Variants in KCNMA1 observed in about 807,000 individuals in gnomAD.
KCNMA1 encodes the protein potassium calcium-activated channel subfamily M alpha 1.
Under a neutral mutation model 140.0 loss-of-function variants are expected in KCNMA1, and 29 were observed. That is an observed-to-expected ratio of 0.21 (90% CI 0.15 to 0.28). The LOEUF (loss-of-function observed/expected upper bound fraction) is 0.28, where lower values mean the gene tolerates loss of function less well. Ranked by LOEUF, KCNMA1 falls within the 10% of genes least tolerant of loss-of-function variation. The probability of loss-of-function intolerance (pLI) is 1.00; values close to 1 mark genes in which losing one functional copy is unlikely to be tolerated. For missense variants in KCNMA1, 880 were observed against 1,602.2 expected (o/e 0.55, Z 7.70); for synonymous variants, 612 against 611.9 (o/e 1.00, Z 0.00).
At position 77,082,007 on chromosome 10, in the gene KCNMA1, C is replaced by CTTTTTTTT. The variant is rs201288668; in HGVS notation, c.1524-2465_1524-2458dup. Among the ~76,000 whole-genome samples the CTTTTTTTT allele has an allele frequency of 4.3e-4, 14 of 32,514 alleles. 1 individual carries two copies. In the East Asian group the frequency reaches 4.9e-3, roughly 11 times the overall value. The allele number at this position is 32,514 out of a possible 152,430, so 21.3% of individuals were successfully genotyped here. A position where few individuals can be genotyped will look rare whatever the true frequency, so the allele number is the denominator to read the frequency against. On this transcript the variant is annotated intron_variant, in intron 12 of 27. Transcript: ENST00000286628. ...GACCAGTAATTTCTTTTTTTCTTTT[C>CTTTTTTTT]TTTTTTTTTTTTTTTTTTTTTTTTT...
chr10:77,090,353 G>A (rs781007184), intron 10 of KCNMA1, 47 bp downstream of exon 10: 1 of 1,221,498 alleles, frequency 8.2e-7, no homozygotes, highest in Admixed American at 1.7e-5. Context: ...GTCCCTCGCA[G>A]GGTGTGTGGT....
At chr10:77,444,704 C>T (rs538004819) in intron 1 of KCNMA1, among the ~76,000 whole-genome samples, 2 of 152,252 alleles carry the variant, frequency 1.3e-5, no homozygotes, top group South Asian at 4.2e-4. Flanking sequence ...GTCCTGGGAA[C>T]TTCCCCGGCA....
At chr10:77,025,634 C>A (rs1269270611) in intron 16 of KCNMA1, among the ~76,000 whole-genome samples, 1 of 151,780 alleles carries the variant, frequency 6.6e-6, no homozygotes, top group African/African-American at 2.4e-5. Flanking sequence ...ACAACAAAGG[C>A]AGTTAAACAC....
intron 14 of KCNMA1, among the ~76,000 whole-genome samples, chr10:77,071,880 A>T (rs2096228426): frequency 6.6e-6 from 1 of 152,200 alleles, no homozygotes; most frequent in Admixed American, 6.5e-5. Flanking sequence ...AAGGATAAGG[A>T]CTTAGAAAAA....
intron 2 of KCNMA1, among the ~76,000 whole-genome samples, chr10:77,388,565 C>CT (rs2095697192): frequency 6.6e-6 from 1 of 152,164 alleles, no homozygotes; most frequent in Admixed American, 6.5e-5. Context: ...CTTAATGTGT[C>CT]TGTTTAATGT....
intron 5 of KCNMA1, among the ~76,000 whole-genome samples, chr10:77,174,653 A>G (rs542315528): frequency 4.5e-4 from 68 of 152,366 alleles, no homozygotes; most frequent in African/African-American, 1.6e-3. Context: ...GCCATTTTTA[A>G]GTGGATTGGT....
chr10:77,515,267 G>A (rs1301036508), intron 1 of KCNMA1, among the ~76,000 whole-genome samples: 1 of 152,012 alleles, frequency 6.6e-6, no homozygotes, highest in Non-Finnish European at 1.5e-5. Context: ...TCACCATGAG[G>A]GGACACAGGC....
In KCNMA1 at chr10:76,948,168, C is replaced by T. The variant is rs574622432; in HGVS notation, c.2709+974G>A. ...TACAAGCACACGCCACCACATCAGG[C>T]TAATTTTTTTAACTTTTTGTAGAGA... On this transcript the variant is annotated intron_variant, in intron 22 of 27. Transcript: ENST00000286628. Among the ~76,000 whole-genome samples the T allele has an allele frequency of 1.4e-4, 22 of 152,052 alleles. No individual in the cohort carries two copies. The East Asian group carries it at 4.1e-3, about 28-fold the overall frequency.
At chr10:77,233,428 C>A (rs2054291287) in intron 3 of KCNMA1, among the ~76,000 whole-genome samples, 1 of 152,324 alleles carries the variant, frequency 6.6e-6, no homozygotes, top group Non-Finnish European at 1.5e-5. Context: ...TTATTAACCT[C>A]TAATTCAAAT....
chr10:77,258,988 T>A (rs1165249054), intron 2 of KCNMA1, among the ~76,000 whole-genome samples: 2 of 152,104 alleles, frequency 1.3e-5, no homozygotes, highest in African/African-American at 4.8e-5. Context: ...TAATATATAA[T>A]CTTGCCACCA....
chr10:77,397,309 T>C (rs1355489016), intron 2 of KCNMA1, among the ~76,000 whole-genome samples: 1 of 152,202 alleles, frequency 6.6e-6, no homozygotes, highest in African/African-American at 2.4e-5. Flanking sequence ...GTCAGCAAAC[T>C]ATGGTGTGTG....
At chr10:77,508,565 CTTTTTT>C (rs773700858) in intron 1 of KCNMA1, among the ~76,000 whole-genome samples, 1 of 124,430 alleles carries the variant, frequency 8.0e-6, no homozygotes, top group African/African-American at 3.2e-5. Flanking sequence ...TTTCCTTTTT[CTTTTTT>C]TTTTCTTTTC....
At chr10:77,233,207 T>G (rs2054202934) in intron 3 of KCNMA1, among the ~76,000 whole-genome samples, 1 of 152,214 alleles carries the variant, frequency 6.6e-6, no homozygotes, top group South Asian at 2.1e-4. Flanking sequence ...ATTTCTGGAC[T>G]CTCAATTCTA....
At chr10:77,098,723 T>C (rs2097009005) in intron 9 of KCNMA1, among the ~76,000 whole-genome samples, 1 of 152,148 alleles carries the variant, frequency 6.6e-6, no homozygotes, top group African/African-American at 2.4e-5. Context: ...ATGCAAGTAT[T>C]ACCACCATTT....
intron 3 of KCNMA1, among the ~76,000 whole-genome samples, chr10:77,191,534 C>T (rs906860177): frequency 7.9e-5 from 12 of 152,120 alleles, no homozygotes; most frequent in African/African-American, 2.9e-4. Context: ...CTCATGTTTA[C>T]ACTGGACGGG....
At chr10:77,531,953 T>C (rs116215656) in intron 1 of KCNMA1, among the ~76,000 whole-genome samples, 109 of 152,218 alleles carry the variant, frequency 7.2e-4, no homozygotes, top group African/African-American at 2.6e-3. Flanking sequence ...ACTGAGGAAA[T>C]TGCCAATTAC....
intron 2 of KCNMA1, among the ~76,000 whole-genome samples, chr10:77,372,013 T>C (rs2094763242): frequency 6.6e-6 from 1 of 152,252 alleles, no homozygotes; most frequent in African/African-American, 2.4e-5. Context: ...TTGCACATCC[T>C]GTTTCCCTAG....
intron 10 of KCNMA1, among the ~76,000 whole-genome samples, chr10:77,089,260 T>C (rs879767758): frequency 1.1e-4 from 17 of 152,130 alleles, no homozygotes; most frequent in Non-Finnish European, 2.4e-4. Context: ...ACAGGGAGTT[T>C]GTAGGGAAGC....
At chr10:77,295,509 C>T (rs550844754) in intron 2 of KCNMA1, among the ~76,000 whole-genome samples, 69 of 151,502 alleles carry the variant, frequency 4.6e-4, no homozygotes, top group South Asian at 2.1e-3. Context: ...AGGCCGGGCG[C>T]GGTGGCTCAC....
Sources: gnomAD v4.1 joint callset for allele counts (sites outside exome capture counted in the v4.1 genomes callset) on GRCh38, gnomAD v4.1.1 for gene constraint, MANE v1.5 for transcripts, NCBI Gene and HGNC (gene_info 2026-07-23, HGNC 2026-07-21) for gene names.